The following CUBN variants were observed in gnomAD, a reference collection of about 807,000 sequenced individuals.
CUBN encodes 460 kDa receptor.
CUBN carries 282 observed loss-of-function variants against 405.3 expected under a neutral mutation model. The observed-to-expected ratio is 0.70, with a 90% CI of 0.63 to 0.77. CUBN has a LOEUF of 0.77. Among genes scored for constraint, CUBN ranks in the 30% least tolerant of loss-of-function variants. CUBN has a pLI of 0.00. For missense variants in CUBN, 4,514 were observed against 4,475.2 expected (o/e 1.01, Z -0.25); for synonymous variants, 1,684 against 1,617.0 (o/e 1.04, Z -0.99).
chr10:16,958,230 T>C (rs886778378), intron 31 of CUBN, among the ~76,000 whole-genome samples: 2 of 152,200 alleles, frequency 1.3e-5, no homozygotes, highest in Non-Finnish European at 2.9e-5. Context: ...CCCCAGCCCC[T>C]GAGGTCCTGG....
chr10:16,869,865 A>C lies in CUBN; in HGVS notation c.9237-12T>G. On this transcript the variant is annotated splice_polypyrimidine_tract_variant and intron_variant, in intron 58 of 66. Transcript: ENST00000377833. The stretch of plus-strand genomic sequence containing the variant: ...CAAAATCACTGAACCTGTGAAATGT[A>C]CCTTGTTAATACTGATGTTTCCATT... 6.4e-7 allele frequency: 1 copy of C among 1,570,984 alleles called. No homozygotes were observed. The highest frequency in any genetic ancestry group is 1.1e-5 in the South Asian group (1 of 90,182).
At chr10:16,949,469 T>TA (rs1294317255) in intron 34 of CUBN, among the ~76,000 whole-genome samples, 2 of 140,300 alleles carry the variant, frequency 1.4e-5, no homozygotes, top group African/African-American at 5.1e-5. Context: ...GTGTGTAGTG[T>TA]GTGTGTGTTT....
At chr10:16,872,639 C>T (rs780821) in intron 58 of CUBN, among the ~76,000 whole-genome samples, 17,581 of 152,152 alleles carry the variant, frequency 0.12, 1,069 homozygotes, top group Non-Finnish European at 0.13. Context: ...GAATCTGCCT[C>T]GACCTTGGAC....
intron 4 of CUBN, among the ~76,000 whole-genome samples, chr10:17,124,476 T>C (rs1837122461): frequency 6.6e-6 from 1 of 152,064 alleles, no homozygotes; most frequent in Admixed American, 6.6e-5. Context: ...TCGCCCAGGC[T>C]GGAGTGCAGT....
chr10:17,087,413 G>A (rs1394910959), intron 15 of CUBN, among the ~76,000 whole-genome samples: 3 of 143,548 alleles, frequency 2.1e-5, no homozygotes, highest in Non-Finnish European at 4.5e-5. Flanking sequence ...CAGTAATAAT[G>A]ATTACTTTAT....
At chr10:16,899,648 CTGAT>C (rs1236622316) in intron 53 of CUBN, among the ~76,000 whole-genome samples, 1 of 152,162 alleles carries the variant, frequency 6.6e-6, no homozygotes, top group Non-Finnish European at 1.5e-5. Context: ...ATTAAGCAAT[CTGAT>C]TGATTCATAT....
chr10:16,837,171 C>T (rs1839197895), intron 62 of CUBN, among the ~76,000 whole-genome samples: 1 of 151,992 alleles, frequency 6.6e-6, no homozygotes, highest in Non-Finnish European at 1.5e-5. Context: ...TTTAACTGCA[C>T]TGTCAGTCAT....
chr10:16,968,891 G>T (rs1016223097), intron 31 of CUBN, among the ~76,000 whole-genome samples: 10 of 152,306 alleles, frequency 6.6e-5, no homozygotes, highest in African/African-American at 2.4e-4. Context: ...AGAGCCCAAG[G>T]TTAATTACAC....
At chr10:16,948,262 GA>G (rs1842837215) in intron 35 of CUBN, among the ~76,000 whole-genome samples, 1 of 152,124 alleles carries the variant, frequency 6.6e-6, no homozygotes, top group South Asian at 2.1e-4. Flanking sequence ...TAGCTGAAAA[GA>G]CAGCTACATT....
intron 17 of CUBN, among the ~76,000 whole-genome samples, chr10:17,076,998 C>T (rs1835868224): frequency 6.6e-6 from 1 of 152,186 alleles, no homozygotes; most frequent in Admixed American, 6.5e-5. Flanking sequence ...TGACCAATAT[C>T]TGAGTCTGGT....
At chr10:16,835,539 T>C (rs556331198) in intron 63 of CUBN, among the ~76,000 whole-genome samples, 1 of 152,054 alleles carries the variant, frequency 6.6e-6, no homozygotes, top group South Asian at 2.1e-4. Flanking sequence ...ACAAGGATGC[T>C]ACCTCCAAGA....
intron 5 of CUBN, chr10:17,123,290 T>G: frequency 2.1e-6 from 1 of 485,366 alleles, no homozygotes; most frequent in Non-Finnish European, 3.7e-6. Flanking sequence ...TATGTCAAGA[T>G]TTGTTTGGTA....
At chr10:16,954,578 G>T (rs768673462) in intron 31 of CUBN, 30 bp from the exon 32 acceptor site, 4 of 1,611,162 alleles carry the variant, frequency 2.5e-6, no homozygotes. Flanking sequence ...GCAAACAGTG[G>T]TTCAGATTCA....
chr10:16,984,346 C>T, intron 29 of CUBN, 67 bp from the exon 30 acceptor site: 1 of 1,448,476 alleles, frequency 6.9e-7, no homozygotes, highest in Non-Finnish European at 9.6e-7. Flanking sequence ...CTTGCTCTGG[C>T]TCATTTTGAC....
intron 14 of CUBN, among the ~76,000 whole-genome samples, chr10:17,096,555 T>C (rs1836379037): frequency 6.6e-6 from 1 of 152,034 alleles, no homozygotes; most frequent in East Asian, 1.9e-4. Flanking sequence ...GAATCATAGT[T>C]TGAGATTTTA....
intron 61 of CUBN, 37 bp from the exon 62 acceptor site, chr10:16,840,572 T>C (rs756115968): frequency 1.4e-6 from 2 of 1,472,318 alleles, no homozygotes; most frequent in Non-Finnish European, 1.9e-6. Context: ...GGAGACATTT[T>C]ATTCATGTCT....
At chr10:16,869,405 T>C (rs1016535968) in intron 59 of CUBN, among the ~76,000 whole-genome samples, 3 of 151,962 alleles carry the variant, frequency 2.0e-5, no homozygotes, top group Non-Finnish European at 2.9e-5. Context: ...CCTCAGGTGA[T>C]CCACCCGCCT....
intron 54 of CUBN, among the ~76,000 whole-genome samples, chr10:16,898,047 T>A (rs1029764780): frequency 7.4e-6 from 1 of 135,722 alleles, no homozygotes; most frequent in African/African-American, 2.8e-5. Flanking sequence ...AAGTGTATAT[T>A]AAATGTATTT....
chr10:16,833,559 A>T (rs1380127610), intron 64 of CUBN, among the ~76,000 whole-genome samples: 1 of 152,160 alleles, frequency 6.6e-6, no homozygotes, highest in African/African-American at 2.4e-5. Flanking sequence ...ATGCCAGAAC[A>T]CCCTTCCTGG....
Sources: allele counts gnomAD v4.1 joint callset (sites outside exome capture counted in the v4.1 genomes callset), GRCh38; gene constraint gnomAD v4.1.1; transcripts MANE v1.5; gene names NCBI Gene and HGNC (gene_info 2026-07-23, HGNC 2026-07-21).